Variants in CIZ1 observed in about 807,000 individuals in gnomAD.
CIZ1 encodes CDKN1A interacting zinc finger protein 1, also known as cip1-interacting zinc finger protein.
In CIZ1, 58 loss-of-function variants were observed where a neutral mutation model predicts 118.6. That is an observed-to-expected ratio of 0.49 (90% CI 0.40 to 0.61). CIZ1 has a LOEUF of 0.61. CIZ1 is among the 20% of genes least tolerant of loss of function. The pLI is 0.00. For missense variants in CIZ1, 921 were observed against 1,115.9 expected, an observed-to-expected ratio of 0.83 and a Z score of 2.49; for synonymous variants, 448 against 443.4, an observed-to-expected ratio of 1.01 and a Z score of -0.13.
At position 128,180,792 on chromosome 9, in the gene CIZ1, G is replaced by A. The variant is rs774291581; in HGVS notation, c.611C>T (p.Pro204Leu). 1 of 1,611,268 alleles carries A rather than the reference G, an allele frequency of 6.2e-7. No homozygotes were observed. The highest frequency in any genetic ancestry group is 2.2e-5 in the East Asian group (1 of 44,862). ...TGGGGGGTCTGACTTGTCTTCCACA[G>A]GCATTGTCTGAGAAGAAGAATCCTG... ...NRKDSSSQTM[P>L]VEDKSDPPEG... Residue 204 changes from proline (P) to leucine (L), a missense_variant, in exon 6 of 17, where the codon CCT (proline) becomes CTT (leucine). Pro to Leu is a moderately conservative substitution (Grantham distance 98). Transcript: ENST00000372938.
At chr9:128,197,066 A>G (rs1214746862) in intron 1 of CIZ1, 1 of 152,048 alleles carries the variant, frequency 6.6e-6, no homozygotes, top group Non-Finnish European at 1.5e-5. Context: ...CCACCTCCCC[A>G]CCTTGCACTA....
chr9:128,169,284 GA>G (rs1829833441), intron 13 of CIZ1, 83 bp from the exon 14 acceptor site: 1 of 1,225,104 alleles, frequency 8.2e-7, no homozygotes, highest in Non-Finnish European at 1.2e-6. Context: ...CCTCCCCTGA[GA>G]GTCCCAATCC....
In CIZ1 at chr9:128,180,510, C is replaced by G. The variant is rs45579839; in HGVS notation, c.696G>C (p.Pro232=). 6.2e-7 allele frequency: 1 copy of G among 1,613,960 alleles called. No homozygotes were observed. The highest frequency in any genetic ancestry group is 8.5e-7 in the Non-Finnish European group (1 of 1,179,918). ...RMDTPEDQDL[P]PCPEDIAKEK... ...CCTTGGCGATGTCCTCTGGGCAGGG[C>G]GGTAAATCTTGGTCTGGAATGGAGG... Residue 232 remains proline (P), a synonymous_variant, in exon 7 of 17, where the codon CCG becomes CCC. Coordinates refer to ENST00000372938, the MANE Select transcript of CIZ1 (RefSeq NM_001131016.2).
At chr9:128,171,171 C>A (rs1830071042) in intron 11 of CIZ1, among the ~76,000 whole-genome samples, 1 of 152,108 alleles carries the variant, frequency 6.6e-6, no homozygotes, top group Non-Finnish European at 1.5e-5. Flanking sequence ...GTGGCTCATG[C>A]CTATAATCCC....
At chr9:128,184,803 G>A (rs1290267490) in intron 5 of CIZ1, among the ~76,000 whole-genome samples, 1 of 152,010 alleles carries the variant, frequency 6.6e-6, no homozygotes, top group Admixed American at 6.6e-5. Context: ...GAGTAGCCAG[G>A]ATTACAGGCA....
intron 7 of CIZ1, among the ~76,000 whole-genome samples, chr9:128,180,157 G>A (rs540785297): frequency 3.9e-5 from 6 of 152,170 alleles, no homozygotes; most frequent in African/African-American, 1.2e-4. Context: ...CCAGATGAAC[G>A]TCTTCACCCC....
At position 128,166,303 on chromosome 9, in the gene CIZ1, C is replaced by T. The variant is rs1368168705; in HGVS notation, c.2591G>A (p.Gly864Asp). Residue 864 changes from glycine to aspartate, a missense_variant, in exon 17 of 17, where the codon GGC (glycine) becomes GAC (aspartate). Physicochemically the swap from Gly to Asp is moderately conservative, Grantham distance 94. Coordinates refer to ENST00000372938, the MANE Select transcript of CIZ1 (RefSeq NM_001131016.2). The surrounding 1 kb of genome is among the most constrained non-coding windows in gnomAD (Gnocchi z 4.4). ...GGTGTTGGGCTGGGAGGGTGGGCGG[C>T]CGCTGGAGGTGAACAGGGCTGTCAA... ...NALTALFTSS[G>D]RPPSQPNTQD... The T allele has an allele frequency of 6.4e-7, 1 of 1,565,654 alleles. No individual in the cohort carries two copies. Among genetic ancestry groups the T allele is most frequent in the East Asian group, 2.3e-5 (1 of 42,646 alleles).
At chr9:128,191,865 C>T, upstream of CIZ1, 1 of 1,466,250 alleles carries the variant, frequency 6.8e-7, no homozygotes, top group Non-Finnish European at 9.0e-7. This position sits in a 1 kb window ranked among gnomAD's most constrained non-coding sequence, Gnocchi z 5.5. Context: ...CTCCCTGCGG[C>T]CGCCGCGGTC....
intron 7 of CIZ1, among the ~76,000 whole-genome samples, chr9:128,179,742 G>A (rs904991555): frequency 2.0e-5 from 3 of 151,966 alleles, no homozygotes; most frequent in Non-Finnish European, 2.9e-5. Flanking sequence ...GCGCGATCTC[G>A]GCTCACCACA....
chr9:128,197,993 G>A (rs1249000323), intron 1 of CIZ1: 1 of 152,258 alleles, frequency 6.6e-6, no homozygotes, highest in Non-Finnish European at 1.5e-5. Flanking sequence ...TGAATACCAG[G>A]CGGTCTGGCT....
chr9:128,173,695 G>A (rs188572739), intron 11 of CIZ1, among the ~76,000 whole-genome samples: 156 of 152,224 alleles, frequency 1.0e-3, no homozygotes, highest in African/African-American at 3.4e-3. Flanking sequence ...CCAGTGTCAC[G>A]TCTGAGGCTG....
At chr9:128,167,405 C>T in intron 14 of CIZ1, 3 of 519,876 alleles carry the variant, frequency 5.8e-6, no homozygotes, top group South Asian at 5.4e-5. Flanking sequence ...AGCCCTCCTG[C>T]TCCTACAGGC....
chr9:128,182,607 G>T (rs764736758), intron 5 of CIZ1, among the ~76,000 whole-genome samples: 2 of 151,968 alleles, frequency 1.3e-5, no homozygotes, highest in Non-Finnish European at 2.9e-5. Flanking sequence ...TACCTGCCCC[G>T]GCCATGCCCC....
upstream of CIZ1, among the ~76,000 whole-genome samples, chr9:128,193,245 G>T (rs1264051468): frequency 6.6e-5 from 10 of 152,222 alleles, no homozygotes; most frequent in Admixed American, 6.5e-4. Flanking sequence ...GCAGCCTGGA[G>T]GGTGGGGACT....
At chr9:128,175,538 C>T (rs1411217057) in intron 11 of CIZ1, among the ~76,000 whole-genome samples, 1 of 152,152 alleles carries the variant, frequency 6.6e-6, no homozygotes, top group Non-Finnish European at 1.5e-5. Context: ...CACCTGGAAG[C>T]TTCAAATTGT....
At position 128,203,494 on chromosome 9, in the gene CIZ1, T is replaced by G. The variant is rs1161899413; in HGVS notation, c.-6+692A>C. 6.5e-7 allele frequency: 1 copy of G among 1,529,854 alleles called. No homozygotes were observed. Among genetic ancestry groups the G allele is most frequent in the South Asian group, 1.2e-5 (1 of 82,286 alleles). 94.8% of individuals were successfully genotyped at this position (1,529,854 alleles called of 1,614,324 possible). A position where few individuals can be genotyped will look rare whatever the true frequency, so the allele number is the denominator to read the frequency against. On this transcript the variant is annotated intron_variant, in intron 1 of 17. Transcript: ENST00000372948. The surrounding 1 kb of genome is among the most constrained non-coding windows in gnomAD (Gnocchi z 5.3). ...CCATGGGCAACCGCGGCATGGAAGATCTCATCCCGCTGGTCAACCGGCTGC... is the reference window on the plus strand; with the variant it reads ...CCATGGGCAACCGCGGCATGGAAGAGCTCATCCCGCTGGTCAACCGGCTGC...
intron 7 of CIZ1, among the ~76,000 whole-genome samples, chr9:128,180,130 G>T (rs998229450): frequency 6.6e-6 from 1 of 152,074 alleles, no homozygotes; most frequent in African/African-American, 2.4e-5. Context: ...TTTGTAAATG[G>T]CCTGCCCACT....
At position 128,176,237 on chromosome 9, in the gene CIZ1, T is replaced by C; in HGVS notation, c.1943+114A>G. ...ACACAGTTAACAGTGTGAGGAGGCC[T>C]GGCTGGGGGTGCAGTGCTTAACCCA... On this transcript the variant is annotated intron_variant, in intron 11 of 16. Transcript: ENST00000372938. 3 of 1,355,390 alleles carry C rather than the reference T, an allele frequency of 2.2e-6. No homozygotes were observed. The South Asian group carries it at 4.1e-5, about 18-fold the overall frequency. The allele number at this position is 1,355,390 out of a possible 1,614,324, so 84.0% of individuals were successfully genotyped here. A position where few individuals can be genotyped will look rare whatever the true frequency, so the allele number is the denominator to read the frequency against.
chr9:128,169,788 T>C (rs1334894948), intron 12 of CIZ1: 1 of 1,363,632 alleles, frequency 7.3e-7, no homozygotes, highest in Non-Finnish European at 1.0e-6. Context: ...AAATAACCCC[T>C]GTGAGCCCCG....
Sources: allele counts gnomAD v4.1 joint callset (sites outside exome capture counted in the v4.1 genomes callset), GRCh38; gene constraint gnomAD v4.1.1; non-coding constraint Gnocchi (gnomAD v3.1); transcripts MANE v1.5; gene names NCBI Gene and HGNC (gene_info 2026-07-23, HGNC 2026-07-21).